Variants in COL5A2 observed in about 807,000 individuals in gnomAD.
The protein encoded by COL5A2 is collagen alpha-2(V) chain.
A neutral mutation model predicts 208.2 loss-of-function variants in COL5A2; 23 were observed. The observed-to-expected ratio is 0.11, with a 90% CI of 0.08 to 0.16. The LOEUF is 0.16. Among genes scored for constraint, COL5A2 ranks in the 10% least tolerant of loss-of-function variants. The pLI is 1.00. For synonymous variants in COL5A2, 625 were observed against 628.5 expected (o/e 0.99, Z 0.08); for missense variants, 1,590 against 1,956.4 (o/e 0.81, Z 3.53).
At chr2:189,151,556 T>C (rs1169144715) in intron 1 of COL5A2, among the ~76,000 whole-genome samples, 1 of 152,192 alleles carries the variant, frequency 6.6e-6, no homozygotes, top group African/African-American at 2.4e-5. Flanking sequence ...ACCTGACATT[T>C]AGTTTTTGCT....
At chr2:189,209,582 A>G (rs1689186262) in intron 1 of COL5A2, among the ~76,000 whole-genome samples, 1 of 152,132 alleles carries the variant, frequency 6.6e-6, no homozygotes, top group Non-Finnish European at 1.5e-5. Context: ...TTTAAACCTC[A>G]GTCTTTTGGT....
At chr2:189,176,779 A>G (rs1688686606) in intron 1 of COL5A2, among the ~76,000 whole-genome samples, 1 of 152,068 alleles carries the variant, frequency 6.6e-6, no homozygotes, top group Non-Finnish European at 1.5e-5. Flanking sequence ...TCACACACAC[A>G]CATACACCCA....
At chr2:189,412,590 A>G in the COL5A2 span, among the ~76,000 whole-genome samples, 1 of 152,198 alleles carries the variant, frequency 6.6e-6, no homozygotes, top group Non-Finnish European at 1.5e-5. Context: ...TTCAGTTTCT[A>G]AATAATTTCA....
At chr2:189,127,377 A>G (rs1481985083) in intron 1 of COL5A2, among the ~76,000 whole-genome samples, 7 of 151,990 alleles carry the variant, frequency 4.6e-5, no homozygotes. Flanking sequence ...GGAGGAAGAG[A>G]AAGCAAATTT....
chr2:189,215,579 C>T (rs549859389), intron 1 of COL5A2, among the ~76,000 whole-genome samples: 1 of 151,736 alleles, frequency 6.6e-6, no homozygotes, highest in East Asian at 1.9e-4. Flanking sequence ...CACCAGAAAA[C>T]TTTAAATTAT....
At chr2:189,119,750 C>G (rs1421244774) in intron 1 of COL5A2, among the ~76,000 whole-genome samples, 1 of 152,010 alleles carries the variant, frequency 6.6e-6, no homozygotes, top group Non-Finnish European at 1.5e-5. Flanking sequence ...ATACTTATTT[C>G]TTGCTAATAC....
the COL5A2 span, among the ~76,000 whole-genome samples, chr2:189,433,383 G>A: frequency 6.3e-3 from 958 of 152,244 alleles, 11 homozygotes; most frequent in African/African-American, 0.022. Context: ...AAAAATCAAT[G>A]AATCCAGGAG....
the COL5A2 span, among the ~76,000 whole-genome samples, chr2:189,307,912 T>C: frequency 1.3e-5 from 2 of 152,204 alleles, no homozygotes; most frequent in Non-Finnish European, 2.9e-5. Context: ...ACCTAGGGTG[T>C]ACATATTCCT....
the COL5A2 span, among the ~76,000 whole-genome samples, chr2:189,368,484 C>T: frequency 3.9e-5 from 6 of 152,208 alleles, no homozygotes; most frequent in East Asian, 5.8e-4. Context: ...AAATGAAGAT[C>T]GATTCACATT....
At chr2:189,321,396 A>G in the COL5A2 span, among the ~76,000 whole-genome samples, 1 of 152,244 alleles carries the variant, frequency 6.6e-6, no homozygotes, top group African/African-American at 2.4e-5. Flanking sequence ...GTCAAGACCC[A>G]TCAGTGTGCT....
intron 1 of COL5A2, among the ~76,000 whole-genome samples, chr2:189,195,093 C>T (rs1195241927): frequency 6.6e-6 from 1 of 152,156 alleles, no homozygotes; most frequent in African/African-American, 2.4e-5. Flanking sequence ...CCCCAAAACT[C>T]CTTAAGCTGA....
chr2:189,384,260 G>A, the COL5A2 span, among the ~76,000 whole-genome samples: 1 of 151,968 alleles, frequency 6.6e-6, no homozygotes, highest in Non-Finnish European at 1.5e-5. Flanking sequence ...CTTTCTTTTG[G>A]ATGTATACTC....
intron 1 of COL5A2, among the ~76,000 whole-genome samples, chr2:189,117,400 T>C (rs2105728041): frequency 6.6e-6 from 1 of 152,270 alleles, no homozygotes; most frequent in Non-Finnish European, 1.5e-5. Flanking sequence ...TAAATATTAA[T>C]CCTCAGTGAA....
upstream of COL5A2, among the ~76,000 whole-genome samples, chr2:189,184,816 C>G (rs554311132): frequency 6.6e-6 from 1 of 152,162 alleles, no homozygotes; most frequent in East Asian, 1.9e-4. Flanking sequence ...TCTTTGGGGG[C>G]TATTATTCTT....
At chr2:189,059,908 A>C (rs749523134) in intron 31 of COL5A2, among the ~76,000 whole-genome samples, 2 of 151,774 alleles carry the variant, frequency 1.3e-5, no homozygotes, top group Non-Finnish European at 2.9e-5. Flanking sequence ...TTAGCTTCCC[A>C]TTACTCTAAT....
At chr2:189,239,869 T>C in the COL5A2 span, among the ~76,000 whole-genome samples, 1 of 152,076 alleles carries the variant, frequency 6.6e-6, no homozygotes, top group Non-Finnish European at 1.5e-5. Context: ...AAGGAACTGA[T>C]TGTCCCCTAG....
intron 6 of COL5A2, among the ~76,000 whole-genome samples, chr2:189,095,501 TACAC>T (rs545646080): frequency 1.3e-5 from 2 of 151,316 alleles, no homozygotes; most frequent in African/African-American, 2.4e-5. Flanking sequence ...CGCTCTTTCA[TACAC>T]ACACACACAA....
At chr2:189,123,335 G>A (rs1300805900) in intron 1 of COL5A2, among the ~76,000 whole-genome samples, 1 of 152,096 alleles carries the variant, frequency 6.6e-6, no homozygotes, top group Non-Finnish European at 1.5e-5. Flanking sequence ...GGTACTTTGG[G>A]TTAAATTGTG....
At position 189,098,039 on chromosome 2, in the gene COL5A2, C is replaced by CCCCA. The variant is rs1463596055; in HGVS notation, c.402+687_402+688insTGGG. Among the ~76,000 whole-genome samples, 84 of 152,180 alleles carry CCCCA rather than the reference C, an allele frequency of 5.5e-4. 1 individual carries two copies. Among genetic ancestry groups the CCCCA allele is most frequent in the South Asian group, 4.2e-4 (2 of 4,814 alleles). Reference sequence around the variant, plus strand: ...GCTGATATCTTAAAATGTTTTTCCCCCCCTGGGAAATGGCTGTTGCCAGGG... The same window carrying CCCCA: ...GCTGATATCTTAAAATGTTTTTCCCCCCCACCCTGGGAAATGGCTGTTGCCAGGG... On this transcript the variant is annotated intron_variant, in intron 5 of 53. Coordinates refer to ENST00000374866, the MANE Select transcript of COL5A2 (RefSeq NM_000393.5).
Sources: allele counts gnomAD v4.1 joint callset (sites outside exome capture counted in the v4.1 genomes callset), GRCh38; gene constraint gnomAD v4.1.1; transcripts MANE v1.5; gene names NCBI Gene and HGNC (gene_info 2026-07-23, HGNC 2026-07-21).